PCDHGC4: variants seen among roughly 807,000 people sequenced by gnomAD.
PCDHGC4 encodes protocadherin gamma-C4.
Under a neutral mutation model 59.7 loss-of-function variants are expected in PCDHGC4, and 15 were observed. The ratio of observed to expected loss-of-function variants is 0.25; its 90% CI spans 0.17 to 0.39. The LOEUF is 0.39. PCDHGC4 is among the 10% of genes least tolerant of loss of function. The pLI is 1.00. For synonymous variants in PCDHGC4, 434 were observed against 481.4 expected, an observed-to-expected ratio of 0.90 and a Z score of 1.29; for missense variants, 1,016 against 1,189.5, an observed-to-expected ratio of 0.85 and a Z score of 2.15.
chr5:141,497,957 A>G (rs2099780682), intron 2 of PCDHGC4, among the ~76,000 whole-genome samples: 1 of 152,242 alleles, frequency 6.6e-6, no homozygotes, highest in Non-Finnish European at 1.5e-5. Flanking sequence ...TCTGTTGGCC[A>G]GGCAGTGTTC....
At chr5:141,492,218 T>C (rs2099738354) in intron 1 of PCDHGC4, among the ~76,000 whole-genome samples, 1 of 152,114 alleles carries the variant, frequency 6.6e-6, no homozygotes. Flanking sequence ...GCGGGGCTCA[T>C]GCGTGTCCTC....
intron 1 of PCDHGC4, among the ~76,000 whole-genome samples, chr5:141,492,711 C>T (rs927567393): frequency 4.6e-5 from 7 of 152,254 alleles, no homozygotes; most frequent in East Asian, 3.8e-4. Flanking sequence ...AAGCCTCGAG[C>T]AGGCGGACAG....
At chr5:141,508,927 A>C (rs1562237319) in intron 3 of PCDHGC4, among the ~76,000 whole-genome samples, 1 of 151,542 alleles carries the variant, frequency 6.6e-6, no homozygotes. Context: ...TTCCTTTTGG[A>C]GTTAATTAGG....
Position 141,490,672 on chromosome 5 carries a change from G to T in PCDHGC4, c.2442+3057G>T. The T allele has an allele frequency of 6.2e-7, 1 of 1,614,114 alleles. No homozygotes were observed. Among genetic ancestry groups the T allele is most frequent in the Non-Finnish European group, 8.5e-7 (1 of 1,179,996 alleles). ...GGGCTCCCTTCTTTGCACTGTGGCT[G>T]CCTCAGATCCAGACACTGGGGATAA... On this transcript the variant is annotated intron_variant, in intron 1 of 3. Coordinates refer to ENST00000306593, the MANE Select transcript of PCDHGC4 (RefSeq NM_018928.3). The surrounding 1 kb of genome is among the most constrained non-coding windows in gnomAD (Gnocchi z 5.4).
intron 2 of PCDHGC4, among the ~76,000 whole-genome samples, chr5:141,501,200 G>A (rs888856586): frequency 1.3e-5 from 2 of 151,854 alleles, no homozygotes; most frequent in African/African-American, 4.8e-5. Context: ...AATTCAGGGT[G>A]TTGTCAGGGT....
chr5:141,488,714 A>G (rs2099678684), intron 1 of PCDHGC4, among the ~76,000 whole-genome samples: 1 of 152,192 alleles, frequency 6.6e-6, no homozygotes, highest in Non-Finnish European at 1.5e-5. Flanking sequence ...TGGTTCAAGC[A>G]AAGTGGTGGA....
rs1036281905 is a variant in PCDHGC4 at position 141,493,555 on chromosome 5, T to C, written c.2443-1252T>C. ...GCCAGTTATCCTTTTGGAGATTGAG[T>C]TCCCCCAGCTCCGTTTCCTCCTATC... On this transcript the variant is annotated intron_variant, in intron 1 of 3. Transcript: ENST00000306593. This position sits in a 1 kb window ranked among gnomAD's most constrained non-coding sequence, Gnocchi z 4.3. Among the ~76,000 whole-genome samples, 3 of 152,012 alleles carry C rather than the reference T, an allele frequency of 2.0e-5. No individual in the cohort carries two copies. Among genetic ancestry groups the C allele is most frequent in the African/African-American group, 7.3e-5 (3 of 41,362 alleles).
intron 2 of PCDHGC4, among the ~76,000 whole-genome samples, chr5:141,501,032 C>A (rs1370625012): frequency 6.6e-6 from 1 of 151,976 alleles, no homozygotes; most frequent in Non-Finnish European, 1.5e-5. Context: ...CCACGCCCAG[C>A]TAATTTTTGT....
Position 141,490,330 on chromosome 5 carries a change from C to G in PCDHGC4, c.2442+2715C>G. 4 of 1,614,198 alleles carry G rather than the reference C, an allele frequency of 2.5e-6. No homozygotes were observed. Among genetic ancestry groups the G allele is most frequent in the South Asian group, 1.1e-5 (1 of 91,082 alleles). On this transcript the variant is annotated intron_variant, in intron 1 of 3. Coordinates refer to ENST00000306593, the MANE Select transcript of PCDHGC4 (RefSeq NM_018928.3). This position sits in a 1 kb window ranked among gnomAD's most constrained non-coding sequence, Gnocchi z 5.4. ...GGCCAACCCTGTCCTAGAGAGCACACCAGTGGGCACAGTAGTGGGGTTGTT... is the reference window on the plus strand; with the variant it reads ...GGCCAACCCTGTCCTAGAGAGCACAGCAGTGGGCACAGTAGTGGGGTTGTT...
chr5:141,503,616 A>G (rs1260134621), intron 2 of PCDHGC4, among the ~76,000 whole-genome samples: 2 of 150,944 alleles, frequency 1.3e-5, no homozygotes, highest in African/African-American at 2.4e-5. Context: ...AAAAAAAAAG[A>G]AAAAAGAAAA....
At chr5:141,494,770 C>A (rs767006872) in intron 1 of PCDHGC4, 37 bp from the exon 2 acceptor site, 14 of 1,613,904 alleles carry the variant, frequency 8.7e-6, no homozygotes, top group Non-Finnish European at 1.1e-5. Flanking sequence ...TAACTTCTCA[C>A]GGGTACTCAG....
At chr5:141,497,771 C>T (rs2099779314) in intron 2 of PCDHGC4, among the ~76,000 whole-genome samples, 1 of 152,154 alleles carries the variant, frequency 6.6e-6, no homozygotes, top group Non-Finnish European at 1.5e-5. Context: ...ACTCCCCGAC[C>T]TCAACTGATC....
intron 1 of PCDHGC4, chr5:141,492,046 A>C: frequency 6.1e-6 from 3 of 494,434 alleles, no homozygotes; most frequent in South Asian, 8.1e-5. Flanking sequence ...TCACAGATCC[A>C]CCCCTGCAGC....
intron 2 of PCDHGC4, among the ~76,000 whole-genome samples, chr5:141,504,039 AC>A (rs1396515708): frequency 6.6e-6 from 1 of 152,184 alleles, no homozygotes; most frequent in African/African-American, 2.4e-5. Context: ...CATTTAGGCA[AC>A]AAATATTTAT....
chr5:141,508,171 A>G (rs1364776681), intron 3 of PCDHGC4: 2 of 152,406 alleles, frequency 1.3e-5, no homozygotes, highest in African/African-American at 4.8e-5. Context: ...AGGCTGGCAC[A>G]GGAGAGAAGG....
Position 141,487,356 on chromosome 5 carries a change from C to A in PCDHGC4, c.2183C>A (p.Ala728Asp). Residue 728 changes from alanine to aspartate, a missense_variant, in exon 1 of 4, where the codon GCT becomes GAT. By Grantham distance (126) the Ala-to-Asp change is moderately radical (BLOSUM62 -2). Coordinates refer to ENST00000306593, the MANE Select transcript of PCDHGC4 (RefSeq NM_018928.3). The surrounding 1 kb of genome is among the most constrained non-coding windows in gnomAD (Gnocchi z 5.0). ...GAACGVTCFPAGTCACLTRSR... is the reference protein window; with the variant it reads ...GAACGVTCFPDGTCACLTRSR... ...GCCTGTGGAGTCACATGCTTTCCTG[C>A]TGGCACCTGTGCCTGTCTCACCAGA... 1 of 1,614,220 alleles carries A rather than the reference C, an allele frequency of 6.2e-7. No individual in the cohort carries two copies. The highest frequency in any genetic ancestry group is 8.5e-7 in the Non-Finnish European group (1 of 1,180,042).
intron 3 of PCDHGC4, among the ~76,000 whole-genome samples, chr5:141,505,793 GGACTTGGATC>G (rs2099848390): frequency 6.6e-6 from 1 of 152,142 alleles, no homozygotes; most frequent in Non-Finnish European, 1.5e-5. Flanking sequence ...ACTATCCTTG[GGACTTGGATC>G]GACTTGCTCA....
chr5:141,511,304 CTTGGGAAA>C lies in PCDHGC4; in HGVS notation c.*132_*139del. ...TGGTAGGGGCCAAGGCCATGCTCCC[CTTGGGAAA>C]CAGAAACAAGTGCCCAGTCAGCACC... is the stretch of plus-strand genomic sequence containing the variant. On this transcript the variant is annotated 3_prime_UTR_variant, in exon 4 of 4. Transcript: ENST00000306593. The C allele has an allele frequency of 2.0e-6, 3 of 1,490,438 alleles. No individual in the cohort carries two copies. The South Asian group carries it at 4.0e-5, about 20-fold the overall frequency. 92.3% of individuals were successfully genotyped at this position (1,490,438 alleles called of 1,614,324 possible). A position where few individuals can be genotyped will look rare whatever the true frequency, so the allele number is the denominator to read the frequency against.
rs1042973261 is a variant in PCDHGC4 at position 141,491,547 on chromosome 5, G to T, written c.2443-3260G>T. ...AGGTGACGCTGCGGCCCACAGACTC[G>T]CAGAGCCACTGCTACAGGACGTGCT... On this transcript the variant is annotated intron_variant, in intron 1 of 3. Transcript: ENST00000306593. The surrounding 1 kb of genome is among the most constrained non-coding windows in gnomAD (Gnocchi z 6.9). 6.8e-6 allele frequency: 11 copies of T among 1,613,856 alleles called. No homozygotes were observed. Among genetic ancestry groups the T allele is most frequent in the Middle Eastern group, 1.6e-4 (1 of 6,084 alleles).
Sources: allele counts gnomAD v4.1 joint callset (sites outside exome capture counted in the v4.1 genomes callset), GRCh38; gene constraint gnomAD v4.1.1; non-coding constraint Gnocchi (gnomAD v3.1); transcripts MANE v1.5; gene names NCBI Gene and HGNC (gene_info 2026-07-23, HGNC 2026-07-21).